The following NECAB1 variants were observed in gnomAD, a reference collection of about 807,000 sequenced individuals.
NECAB1 encodes the protein N-terminal EF-hand calcium binding protein 1, also known as N-terminal EF-hand calcium-binding protein 1.
A neutral mutation model predicts 57.5 loss-of-function variants in NECAB1; 29 were observed. That is an observed-to-expected ratio of 0.50 (90% CI 0.38 to 0.69). NECAB1 has a LOEUF of 0.69. Ranked by LOEUF, NECAB1 falls within the 30% of genes least tolerant of loss-of-function variation. The pLI, the probability that NECAB1 is intolerant of heterozygous loss-of-function variation, is 0.00. For synonymous variants in NECAB1, 142 were observed against 147.7 expected (o/e 0.96, Z 0.28); for missense variants, 372 against 413.8 (o/e 0.90, Z 0.88).
chr8:90,942,308 T>C (rs1321466915), intron 10 of NECAB1, among the ~76,000 whole-genome samples: 1 of 152,206 alleles, frequency 6.6e-6, no homozygotes, highest in Non-Finnish European at 1.5e-5. Context: ...TTGCGTTTAC[T>C]ACTGTTTCCT....
chr8:90,868,456 T>C (rs1290233946), intron 3 of NECAB1, among the ~76,000 whole-genome samples: 1 of 152,136 alleles, frequency 6.6e-6, no homozygotes, highest in African/African-American at 2.4e-5. Flanking sequence ...CATAGTGATA[T>C]GGGCAGTGAA....
At chr8:90,936,297 C>A (rs1810537731) in intron 9 of NECAB1, among the ~76,000 whole-genome samples, 1 of 152,070 alleles carries the variant, frequency 6.6e-6, no homozygotes, top group Non-Finnish European at 1.5e-5. Flanking sequence ...AAAATAAATT[C>A]TATGACAGAA....
Position 90,791,831 on chromosome 8 carries a change from A to T in NECAB1, c.-56A>T. ...CAGCAGCTGCGGCCGCGCCCTTGCC[A>T]GAGCCGGTGCGTCCGCCTAGCCCCG... On this transcript the variant is annotated 5_prime_UTR_variant, in exon 1 of 13. Transcript: ENST00000417640. 1 of 1,426,812 alleles carries T rather than the reference A, an allele frequency of 7.0e-7. No individual in the cohort carries two copies. The highest frequency in any genetic ancestry group is 1.2e-5 in the South Asian group (1 of 81,164). The allele number at this position is 1,426,812 out of a possible 1,614,324, so 88.4% of individuals were successfully genotyped here.
Position 90,794,742 on chromosome 8 carries a change from C to G in NECAB1, c.99+2757C>G, listed in dbSNP as rs545201334. ...GAAATAAGGGAAAATGGAAACAAAGCAAAAAGTATTGCATAAATTTGAAGT... is the reference window on the plus strand; with the variant it reads ...GAAATAAGGGAAAATGGAAACAAAGGAAAAAGTATTGCATAAATTTGAAGT... On this transcript the variant is annotated intron_variant, in intron 1 of 12. Coordinates refer to ENST00000417640, the MANE Select transcript of NECAB1 (RefSeq NM_022351.5). Among the ~76,000 whole-genome samples, 32 of 152,232 alleles carry G rather than the reference C, an allele frequency of 2.1e-4. No individual in the cohort carries two copies. In the South Asian group the frequency reaches 6.2e-3, roughly 30 times the overall value.
Position 90,957,705 on chromosome 8 carries a change from A to G in NECAB1, c.*2193A>G, listed in dbSNP as rs989208078. 2 of 149,110 alleles carry G rather than the reference A, an allele frequency of 1.3e-5. No individual in the cohort carries two copies. Among genetic ancestry groups the G allele is most frequent in the Admixed American group, 1.3e-4 (2 of 14,972 alleles). 9.2% of individuals were successfully genotyped at this position (149,110 alleles called of 1,614,324 possible). On this transcript the variant is annotated 3_prime_UTR_variant, in exon 13 of 13. Transcript: ENST00000417640. ...AAAAAGAAAAAGAAAAAGAAAAAAGAAAAAAAAAGAAAAAACTGGGACCTA... is the reference window on the plus strand; with the variant it reads ...AAAAAGAAAAAGAAAAAGAAAAAAGGAAAAAAAAGAAAAAACTGGGACCTA...
chr8:90,936,000 T>G (rs1351586957), intron 9 of NECAB1, among the ~76,000 whole-genome samples: 1 of 152,114 alleles, frequency 6.6e-6, no homozygotes, highest in East Asian at 1.9e-4. Context: ...GACATAAAAA[T>G]TTGAATTGGT....
rs114943080 is a variant in NECAB1, at chr8:90,849,332, G to A, written c.234-22796G>A. ...GAAAATTAAATAATTAGGTGAGTGC[G>A]GCAATGGGTGCCTGTAGTTCCAGCT... On this transcript the variant is annotated intron_variant, in intron 3 of 12. Transcript: ENST00000417640. Among the ~76,000 whole-genome samples, 285 of 151,836 alleles carry A rather than the reference G, an allele frequency of 1.9e-3. 1 individual carries two copies. Among genetic ancestry groups the A allele is most frequent in the African/African-American group, 6.5e-3 (269 of 41,350 alleles).
At chr8:90,846,299 G>A (rs1397169794) in intron 3 of NECAB1, among the ~76,000 whole-genome samples, 1 of 152,158 alleles carries the variant, frequency 6.6e-6, no homozygotes, top group East Asian at 1.9e-4. Context: ...ATAGCTTTTG[G>A]TTTAACATTG....
chr8:90,897,616 CTT>C (rs1048969031), intron 5 of NECAB1, among the ~76,000 whole-genome samples: 15 of 152,138 alleles, frequency 9.9e-5, no homozygotes, highest in Non-Finnish European at 1.8e-4. Flanking sequence ...GTAATACTAT[CTT>C]ATGTTTAAAA....
At chr8:90,942,846 C>A (rs1295318464) in intron 10 of NECAB1, among the ~76,000 whole-genome samples, 1 of 152,160 alleles carries the variant, frequency 6.6e-6, no homozygotes, top group Admixed American at 6.5e-5. Flanking sequence ...CGCGCTACTG[C>A]ACCCCAGCCT....
At chr8:90,899,668 C>T (rs1210578994) in intron 5 of NECAB1, among the ~76,000 whole-genome samples, 1 of 152,118 alleles carries the variant, frequency 6.6e-6, no homozygotes, top group Non-Finnish European at 1.5e-5. Context: ...TGTTGATGCT[C>T]AAATCTTGTC....
At position 90,820,831 on chromosome 8, in the gene NECAB1, A is replaced by G. The variant is rs541441842; in HGVS notation, c.125-3886A>G. Among the ~76,000 whole-genome samples, 24 of 152,050 alleles carry G rather than the reference A, an allele frequency of 1.6e-4. No homozygotes were observed. In the East Asian group the frequency reaches 4.3e-3, roughly 27 times the overall value. Reference sequence around the variant, plus strand: ...GAATAGTAGAAAATGGAAATTAAAAACACATAAATGATCTTCACTTAGCAA... The same window carrying G: ...GAATAGTAGAAAATGGAAATTAAAAGCACATAAATGATCTTCACTTAGCAA... On this transcript the variant is annotated intron_variant, in intron 2 of 12. Coordinates refer to ENST00000417640, the MANE Select transcript of NECAB1 (RefSeq NM_022351.5).
In NECAB1 at chr8:90,791,907, A is replaced by G. The variant is rs1489750595; in HGVS notation, c.21A>G (p.Thr7=). ...CGAGGATGGAAGATTCCCAGGAGAC[A>G]TCGCCGTCCTCCAACAACTCCTCGG... The part of the protein sequence containing the change: MEDSQE[T]SPSSNNSSEE... The change falls in exon 1 of 13, where the codon ACA becomes ACG. Residue 7 remains threonine (T), a synonymous_variant. Coordinates refer to ENST00000417640, the MANE Select transcript of NECAB1 (RefSeq NM_022351.5). 1.9e-6 allele frequency: 3 copies of G among 1,551,810 alleles called. No homozygotes were observed. Among genetic ancestry groups the G allele is most frequent in the Non-Finnish European group, 1.7e-6 (2 of 1,147,230 alleles).
chr8:90,841,100 CA>C (rs71560283), intron 3 of NECAB1, among the ~76,000 whole-genome samples: 9 of 148,614 alleles, frequency 6.1e-5, no homozygotes, highest in Non-Finnish European at 1.0e-4. Flanking sequence ...ACTAAAAATA[CA>C]AAAAAAAAAT....
chr8:90,791,896 T>G lies in NECAB1; in HGVS notation c.10T>G (p.Ser4Ala). MED[S>A]QETSPSSNNS... ...GTCAGGGCTCCCGAGGATGGAAGAT[T>G]CCCAGGAGACATCGCCGTCCTCCAA... The change falls in exon 1 of 13, where the codon TCC becomes GCC. Residue 4 changes from serine to alanine, a missense_variant. Coordinates refer to ENST00000417640, the MANE Select transcript of NECAB1 (RefSeq NM_022351.5). The G allele has an allele frequency of 6.4e-7, 1 of 1,551,222 alleles. No homozygotes were observed. The highest frequency in any genetic ancestry group is 1.7e-4 in the Middle Eastern group (1 of 5,834).
In NECAB1 at chr8:90,958,467, C is replaced by T. The variant is rs957305663; in HGVS notation, c.*2955C>T. ...CCAATCATATATCTGAAAAGAAATA[C>T]CCATTAAAAATTCTGCCTCCTGTTT... On this transcript the variant is annotated 3_prime_UTR_variant, in exon 13 of 13. Coordinates refer to ENST00000417640, the MANE Select transcript of NECAB1 (RefSeq NM_022351.5). The T allele has an allele frequency of 2.6e-5, 4 of 151,368 alleles. No homozygotes were observed. Among genetic ancestry groups the T allele is most frequent in the African/African-American group, 7.3e-5 (3 of 41,312 alleles). The allele number at this position is 151,368 out of a possible 1,614,324, so 9.4% of individuals were successfully genotyped here.
rs555591788 is a variant in NECAB1, at chr8:90,909,794, C to T, written c.358-7698C>T. Among the ~76,000 whole-genome samples, 283 of 152,008 alleles carry T rather than the reference C, an allele frequency of 1.9e-3. 2 individuals carry two copies. The highest frequency in any genetic ancestry group is 6.3e-3 in the African/African-American group (260 of 41,506). ...ATGTCTTGATGTGTTTGTTCTGAGT[C>T]GATATTCTCATACATATGGCATACT... On this transcript the variant is annotated intron_variant, in intron 5 of 12. Coordinates refer to ENST00000417640, the MANE Select transcript of NECAB1 (RefSeq NM_022351.5).
chr8:90,852,492 C>T (rs993622759), intron 3 of NECAB1, among the ~76,000 whole-genome samples: 4 of 152,152 alleles, frequency 2.6e-5, no homozygotes, highest in South Asian at 4.1e-4. Context: ...ACCCTCAAGC[C>T]AAAGGCCTGA....
At chr8:90,795,548 T>C (rs772669121) in intron 1 of NECAB1, among the ~76,000 whole-genome samples, 8 of 152,234 alleles carry the variant, frequency 5.3e-5, no homozygotes, top group Non-Finnish European at 8.8e-5. Context: ...AAATAGTTTC[T>C]TTTCACAAGG....
Sources: allele counts gnomAD v4.1 joint callset (sites outside exome capture counted in the v4.1 genomes callset), GRCh38; gene constraint gnomAD v4.1.1; transcripts MANE v1.5; gene names NCBI Gene and HGNC (gene_info 2026-07-23, HGNC 2026-07-21).